WWOX: variants seen among roughly 807,000 people sequenced by gnomAD.
WWOX encodes WW domain containing oxidoreductase.
In WWOX, 69 loss-of-function variants were observed where a neutral mutation model predicts 46.2. That is an observed-to-expected ratio of 1.49 (90% CI 1.23 to 1.82). The LOEUF is 1.82. Among genes scored for constraint, WWOX ranks in the 40% most tolerant of loss-of-function variants. The pLI, the probability that WWOX is intolerant of heterozygous loss-of-function variation, is 0.00. For synonymous variants in WWOX, 359 were observed against 202.6 expected (o/e 1.77, Z -6.56); for missense variants, 919 against 542.6 (o/e 1.69, Z -6.89).
intron 8 of WWOX, among the ~76,000 whole-genome samples, chr16:78,742,092 C>A (rs1232904687): frequency 6.6e-6 from 1 of 152,148 alleles, no homozygotes; most frequent in South Asian, 2.1e-4. Flanking sequence ...AACATAGTAG[C>A]CCCTATTTAC....
intron 8 of WWOX, among the ~76,000 whole-genome samples, chr16:78,656,722 C>G (rs1259192305): frequency 1.3e-5 from 2 of 152,200 alleles, no homozygotes; most frequent in African/African-American, 2.4e-5. Flanking sequence ...TCGGCACCCA[C>G]TGAGCACATC....
rs1272343289 is a variant in WWOX at position 78,346,955 on chromosome 16, C to T, written c.517-39905C>T. 1.7e-5 allele frequency among the ~76,000 whole-genome samples: 2 copies of T among 119,160 alleles called. 1 individual carries two copies. The highest frequency in any genetic ancestry group is 1.6e-4 in the Admixed American group (2 of 12,162). 78.2% of individuals were successfully genotyped at this position (119,160 alleles called of 152,430 possible). On this transcript the variant is annotated intron_variant, in intron 5 of 8. Coordinates refer to ENST00000566780, the MANE Select transcript of WWOX (RefSeq NM_016373.4). Reference sequence around the variant, plus strand: ...TGACCAGGCTGGTTTCAACTCCTGACCTCAGGTGATCTGCCTGCCTCGGCC... The same window carrying T: ...TGACCAGGCTGGTTTCAACTCCTGATCTCAGGTGATCTGCCTGCCTCGGCC...
At chr16:78,116,563 G>C (rs1345564588) in intron 4 of WWOX, among the ~76,000 whole-genome samples, 2 of 152,158 alleles carry the variant, frequency 1.3e-5, no homozygotes, top group East Asian at 3.9e-4. Context: ...CAATCCACTT[G>C]TCTGAACTTC....
chr16:79,078,040 T>C (rs542011536), intron 8 of WWOX: 1 of 152,220 alleles, frequency 6.6e-6, no homozygotes, highest in South Asian at 2.1e-4. Context: ...TTAAGCACCT[T>C]CCCACAAGCT....
chr16:79,024,768 C>T (rs922816507), intron 8 of WWOX, among the ~76,000 whole-genome samples: 1 of 152,150 alleles, frequency 6.6e-6, no homozygotes, highest in African/African-American at 2.4e-5. Flanking sequence ...GACAGGGTCT[C>T]ACCTTGTTTT....
intron 8 of WWOX, among the ~76,000 whole-genome samples, chr16:78,619,460 CG>C (rs2046122964): frequency 6.6e-6 from 1 of 150,702 alleles, no homozygotes. Flanking sequence ...ATGGGTGACC[CG>C]CACCCACATG....
At chr16:78,733,222 A>G (rs965302147) in intron 8 of WWOX, among the ~76,000 whole-genome samples, 2 of 152,230 alleles carry the variant, frequency 1.3e-5, no homozygotes, top group Non-Finnish European at 2.9e-5. Context: ...ATCATTTGCC[A>G]TAAATACAAA....
At chr16:78,261,515 A>G (rs1467308034) in intron 5 of WWOX, among the ~76,000 whole-genome samples, 2 of 149,672 alleles carry the variant, frequency 1.3e-5, no homozygotes, top group East Asian at 3.9e-4. Flanking sequence ...TCTTCTGCAG[A>G]TTTTTTTTTA....
intron 5 of WWOX, among the ~76,000 whole-genome samples, chr16:78,368,325 A>C (rs1423230119): frequency 6.6e-6 from 1 of 152,174 alleles, no homozygotes; most frequent in Admixed American, 6.5e-5. Flanking sequence ...AGTTAACTGG[A>C]ACATATGGCC....
At chr16:78,565,509 C>A (rs576521551) in intron 8 of WWOX, among the ~76,000 whole-genome samples, 12 of 152,226 alleles carry the variant, frequency 7.9e-5, no homozygotes. Context: ...TTCTCCTCAT[C>A]TGGCCCTCTG....
intron 8 of WWOX, among the ~76,000 whole-genome samples, chr16:78,712,753 AATG>A (rs1183381928): frequency 6.6e-6 from 1 of 152,180 alleles, no homozygotes; most frequent in Non-Finnish European, 1.5e-5. Flanking sequence ...CTACAAGTGA[AATG>A]ATATGATAAC....
intron 6 of WWOX, among the ~76,000 whole-genome samples, chr16:78,415,274 G>T (rs1004549586): frequency 2.6e-5 from 4 of 152,176 alleles, no homozygotes; most frequent in African/African-American, 9.6e-5. Context: ...GTGCTGGTGG[G>T]AGTGTCTCTT....
At chr16:79,125,431 G>C (rs943864740) in intron 8 of WWOX, among the ~76,000 whole-genome samples, 4 of 152,338 alleles carry the variant, frequency 2.6e-5, no homozygotes, top group African/African-American at 7.2e-5. Context: ...TGCATTATCT[G>C]AAGCCTGACA....
intron 8 of WWOX, among the ~76,000 whole-genome samples, chr16:78,485,190 C>G (rs1769741963): frequency 6.6e-6 from 1 of 152,106 alleles, no homozygotes; most frequent in Non-Finnish European, 1.5e-5. Flanking sequence ...TTTAAGTTCA[C>G]AGCAAAACTG....
intron 5 of WWOX, among the ~76,000 whole-genome samples, chr16:78,312,381 C>CTTT (rs561304972): frequency 3.5e-4 from 47 of 132,856 alleles, no homozygotes; most frequent in African/African-American, 6.2e-4. Flanking sequence ...AGGTCTAATT[C>CTTT]TTTTTTTTTT....
At chr16:78,441,401 T>C (rs1177240029) in intron 8 of WWOX, among the ~76,000 whole-genome samples, 4 of 152,178 alleles carry the variant, frequency 2.6e-5, no homozygotes, top group Non-Finnish European at 5.9e-5. Context: ...CATTTATCCC[T>C]CTGAGGTAGG....
chr16:78,706,940 G>T (rs1015014564), intron 8 of WWOX, among the ~76,000 whole-genome samples: 32 of 152,194 alleles, frequency 2.1e-4, no homozygotes, highest in African/African-American at 7.5e-4. Context: ...TAGGATTACA[G>T]GCATCAGCCG....
chr16:78,449,031 A>G (rs2083626429), intron 8 of WWOX, among the ~76,000 whole-genome samples: 1 of 152,210 alleles, frequency 6.6e-6, no homozygotes. Flanking sequence ...ATTACAGGGT[A>G]GAAATTCACC....
chr16:78,172,203 G>A (rs1244052219), intron 5 of WWOX, among the ~76,000 whole-genome samples: 1 of 152,086 alleles, frequency 6.6e-6, no homozygotes, highest in African/African-American at 2.4e-5. Flanking sequence ...CTAATATGAG[G>A]GTACCTAAAA....
Sources: allele counts gnomAD v4.1 joint callset (sites outside exome capture counted in the v4.1 genomes callset), GRCh38; gene constraint gnomAD v4.1.1; transcripts MANE v1.5; gene names NCBI Gene and HGNC (gene_info 2026-07-23, HGNC 2026-07-21).